SMOC1: variants seen among roughly 807,000 people sequenced by gnomAD.
SMOC1 encodes the protein SPARC related modular calcium binding 1.
A neutral mutation model predicts 56.3 loss-of-function variants in SMOC1; 22 were observed. The observed-to-expected ratio is 0.39, with a 90% CI of 0.28 to 0.56. The LOEUF (loss-of-function observed/expected upper bound fraction) is 0.56, where lower values mean the gene tolerates loss of function less well. SMOC1 is among the 20% of genes least tolerant of loss of function. The probability of loss-of-function intolerance (pLI) is 0.61; values close to 1 mark genes in which losing one functional copy is unlikely to be tolerated. For missense variants in SMOC1, 509 were observed against 565.4 expected (o/e 0.90, Z 1.01); for synonymous variants, 193 against 215.0 (o/e 0.90, Z 0.89).
intron 3 of SMOC1, among the ~76,000 whole-genome samples, chr14:69,960,476 CT>C (rs897466166): frequency 6.7e-5 from 10 of 148,758 alleles, no homozygotes; most frequent in South Asian, 4.2e-4. Flanking sequence ...ACAATGCCAG[CT>C]TTTTTTTTTA....
intron 11 of SMOC1, among the ~76,000 whole-genome samples, 184 bp downstream of exon 11, chr14:70,023,631 C>A (rs1013960655): frequency 1.3e-5 from 2 of 152,140 alleles, no homozygotes; most frequent in African/African-American, 4.8e-5. Flanking sequence ...AGGTCCCTAT[C>A]CTTGCACAGA....
At chr14:69,903,711 C>T (rs1328092192) in intron 1 of SMOC1, among the ~76,000 whole-genome samples, 1 of 152,040 alleles carries the variant, frequency 6.6e-6, no homozygotes, top group African/African-American at 2.4e-5. Flanking sequence ...GCAGCATGCT[C>T]GTTAATAGTC....
intron 1 of SMOC1, among the ~76,000 whole-genome samples, chr14:69,892,944 A>G (rs1049137706): frequency 2.6e-5 from 4 of 152,190 alleles, no homozygotes; most frequent in Admixed American, 2.6e-4. Flanking sequence ...AGGTCCACAT[A>G]TTGCAATTGG....
At chr14:70,010,174 G>C (rs1001080169) in intron 7 of SMOC1, among the ~76,000 whole-genome samples, 1 of 152,210 alleles carries the variant, frequency 6.6e-6, no homozygotes, top group South Asian at 2.1e-4. Context: ...AAATTCACTC[G>C]GCCTACTTTG....
chr14:69,921,023 G>T (rs953868397), intron 1 of SMOC1, among the ~76,000 whole-genome samples: 1 of 152,188 alleles, frequency 6.6e-6, no homozygotes, highest in African/African-American at 2.4e-5. Flanking sequence ...TTCCTTGTGG[G>T]TGAGGACCCA....
chr14:69,908,805 C>G (rs1010346281), intron 1 of SMOC1, among the ~76,000 whole-genome samples: 9 of 152,054 alleles, frequency 5.9e-5, no homozygotes, highest in African/African-American at 2.2e-4. Context: ...AGGCTGGGCT[C>G]AAAACAGTGT....
intron 5 of SMOC1, among the ~76,000 whole-genome samples, chr14:69,978,827 T>A (rs1884071632): frequency 6.6e-6 from 1 of 152,158 alleles, no homozygotes; most frequent in Non-Finnish European, 1.5e-5. Context: ...AGCTGGCATC[T>A]GTCTGAGGGC....
intron 9 of SMOC1, 63 bp downstream of exon 9, chr14:70,011,630 T>G: frequency 7.6e-6 from 11 of 1,455,948 alleles, no homozygotes; most frequent in Non-Finnish European, 1.1e-5. Flanking sequence ...CCTCTCATTA[T>G]GCAGAAGAAG....
At chr14:70,025,570 C>CT (rs554885360) in intron 11 of SMOC1, among the ~76,000 whole-genome samples, 293 of 152,316 alleles carry the variant, frequency 1.9e-3, no homozygotes, top group African/African-American at 6.9e-3. Context: ...CGGCCTCGCT[C>CT]TTTCACTACA....
chr14:69,919,045 C>T (rs972781974), intron 1 of SMOC1, among the ~76,000 whole-genome samples: 4 of 152,120 alleles, frequency 2.6e-5, no homozygotes, highest in Non-Finnish European at 4.4e-5. Flanking sequence ...GTATTCTTTG[C>T]TGCTGTCTCT....
At chr14:69,926,522 C>T (rs1205868278) in intron 1 of SMOC1, among the ~76,000 whole-genome samples, 2 of 152,226 alleles carry the variant, frequency 1.3e-5, no homozygotes, top group African/African-American at 4.8e-5. Flanking sequence ...ATTCCTTCTC[C>T]TGCTAAAGCG....
intron 1 of SMOC1, among the ~76,000 whole-genome samples, chr14:69,937,067 C>T (rs1239626618): frequency 6.6e-6 from 1 of 152,126 alleles, no homozygotes; most frequent in East Asian, 1.9e-4. Flanking sequence ...GTCTTTAGTA[C>T]CGAGTCTTTT....
chr14:69,888,120 G>C (rs1361185559), intron 1 of SMOC1, among the ~76,000 whole-genome samples: 1 of 152,136 alleles, frequency 6.6e-6, no homozygotes. Context: ...GAGGACAAAG[G>C]TTGAGTTGCG....
intron 1 of SMOC1, among the ~76,000 whole-genome samples, chr14:69,903,843 A>G (rs1471653399): frequency 6.6e-6 from 1 of 150,878 alleles, no homozygotes; most frequent in African/African-American, 2.4e-5. Flanking sequence ...TCCCTCCACT[A>G]TTGTCCTATG....
intron 3 of SMOC1, among the ~76,000 whole-genome samples, chr14:69,972,606 G>C (rs540505690): frequency 6.0e-4 from 92 of 152,320 alleles, no homozygotes; most frequent in Non-Finnish European, 1.1e-3. Flanking sequence ...AGGGCTCTGG[G>C]GAGAAAGGAG....
At chr14:70,011,634 G>C in intron 9 of SMOC1, 67 bp downstream of exon 9, 1 of 1,426,768 alleles carries the variant, frequency 7.0e-7, no homozygotes, top group Non-Finnish European at 9.9e-7. Context: ...TCATTATGCA[G>C]AAGAAGCTGT....
intron 1 of SMOC1, among the ~76,000 whole-genome samples, chr14:69,896,900 C>A (rs1884114051): frequency 6.6e-6 from 1 of 152,210 alleles, no homozygotes; most frequent in African/African-American, 2.4e-5. Context: ...CTAAAGGAAG[C>A]TTGAGTAGTC....
chr14:69,937,038 A>G (rs1455879703), intron 1 of SMOC1, among the ~76,000 whole-genome samples: 1 of 152,186 alleles, frequency 6.6e-6, no homozygotes, highest in Admixed American at 6.5e-5. Flanking sequence ...TGAGAACTGC[A>G]TTGAAGGCTG....
chr14:69,942,515 C>T (rs541258903), intron 1 of SMOC1, among the ~76,000 whole-genome samples: 77 of 152,238 alleles, frequency 5.1e-4, no homozygotes, highest in Non-Finnish European at 8.1e-4. Flanking sequence ...GTAACCACTA[C>T]CATAATCAAG....
Sources: gnomAD v4.1 joint callset for allele counts (sites outside exome capture counted in the v4.1 genomes callset) on GRCh38, gnomAD v4.1.1 for gene constraint, MANE v1.5 for transcripts, NCBI Gene and HGNC (gene_info 2026-07-23, HGNC 2026-07-21) for gene names.